Variants in MSR1 observed in about 807,000 individuals in gnomAD.
MSR1 encodes macrophage scavenger receptor 1.
Under a neutral mutation model 47.2 loss-of-function variants are expected in MSR1, and 53 were observed. The observed-to-expected ratio is 1.12, with a 90% CI of 0.90 to 1.41. The LOEUF is 1.41. Ranked by LOEUF, MSR1 falls within the 40% of genes most tolerant of loss-of-function variation. The pLI, the probability that MSR1 is intolerant of heterozygous loss-of-function variation, is 0.00. For missense variants in MSR1, 786 were observed against 546.9 expected (o/e 1.44, Z -4.36); for synonymous variants, 239 against 185.6 (o/e 1.29, Z -2.34).
At chr8:16,158,471 G>A (rs1801071066) in intron 5 of MSR1, among the ~76,000 whole-genome samples, 1 of 151,782 alleles carries the variant, frequency 6.6e-6, no homozygotes, top group South Asian at 2.1e-4. Flanking sequence ...CGATAACATA[G>A]CACTAATAAT....
chr8:16,147,889 C>A (rs922727499), intron 7 of MSR1, among the ~76,000 whole-genome samples: 1 of 152,016 alleles, frequency 6.6e-6, no homozygotes, highest in Non-Finnish European at 1.5e-5. Context: ...TAATGGTTTT[C>A]AAAATGTGGT....
At chr8:16,187,843 G>A (rs1802048022) in intron 1 of MSR1, among the ~76,000 whole-genome samples, 1 of 152,074 alleles carries the variant, frequency 6.6e-6, no homozygotes, top group South Asian at 2.1e-4. Context: ...ATTACCCTCA[G>A]TGAACCCACT....
At chr8:16,138,373 C>T (rs1487702412) in intron 8 of MSR1, among the ~76,000 whole-genome samples, 6 of 152,260 alleles carry the variant, frequency 3.9e-5, no homozygotes, top group East Asian at 1.9e-4. Context: ...CTATGACTAG[C>T]GTTAGAGCTT....
intron 5 of MSR1, 100 bp from the exon 6 acceptor site, chr8:16,155,244 AT>A: frequency 1.2e-6 from 1 of 822,318 alleles, no homozygotes; most frequent in Non-Finnish European, 2.0e-6. Context: ...AAAGTCTTCT[AT>A]TTGTTGTGCA....
chr8:16,166,607 C>T (rs1021175265), intron 4 of MSR1, among the ~76,000 whole-genome samples: 2 of 152,134 alleles, frequency 1.3e-5, no homozygotes, highest in African/African-American at 2.4e-5. Context: ...ACTCCCTCCA[C>T]ATGCTACCAC....
chr8:16,133,753 A>G (rs1170148463), intron 8 of MSR1, among the ~76,000 whole-genome samples: 1 of 152,112 alleles, frequency 6.6e-6, no homozygotes, highest in African/African-American at 2.4e-5. Flanking sequence ...CTTCTCCTAT[A>G]ATTCTTCAAA....
In MSR1 at chr8:16,120,467, C is replaced by G. The variant is rs1163411232; in HGVS notation, c.1173G>C (p.Leu391Phe). The G allele has an allele frequency of 1.2e-6, 2 of 1,613,940 alleles. No individual in the cohort carries two copies. The highest frequency in any genetic ancestry group is 3.3e-5 in the Admixed American group (2 of 60,002). Residue 391 changes from leucine (L) to phenylalanine (F), a missense_variant, in exon 9 of 10, where the codon TTG (leucine) becomes TTC (phenylalanine). By Grantham distance (22) the Leu-to-Phe change is conservative. Transcript: ENST00000262101. ...VRVGQVVCRS[L>F]GYPGVQAVHK... ...GCACGGCTTGAACACCTGGGTATCC[C>G]AAGCTCCTACAGACGACCTGTCCAA...
Position 16,120,569 on chromosome 8 carries a change from G to A in MSR1, c.1071C>T (p.Gly357=). Residue 357 remains glycine (G), a synonymous_variant, in exon 9 of 10, where the codon GGC becomes GGT. Transcript: ENST00000262101. ...GTATCTCCACCCTCCCCTCGTGAGG[G>A]CCGCTCCCACCGACCAGTCGAACTT... ...FTKVRLVGGS[G]PHEGRVEILH... is the part of the protein sequence containing the mutation. 4 of 1,606,866 alleles carry A rather than the reference G, an allele frequency of 2.5e-6. No homozygotes were observed. Among genetic ancestry groups the A allele is most frequent in the African/African-American group, 1.4e-5 (1 of 71,826 alleles).
chr8:16,113,452 C>G (rs1024767447), intron 9 of MSR1, among the ~76,000 whole-genome samples: 1 of 151,938 alleles, frequency 6.6e-6, no homozygotes, highest in Non-Finnish European at 1.5e-5. Flanking sequence ...TTAAAAGTGC[C>G]TGAATGTGTA....
intron 8 of MSR1, chr8:16,139,726 G>A: frequency 2.0e-6 from 1 of 491,888 alleles, no homozygotes; most frequent in Non-Finnish European, 2.4e-6. Flanking sequence ...AATTGCCCAA[G>A]CTCGACTACA....
rs909032748 is a variant in MSR1 at position 16,183,852 on chromosome 8, C to A, written c.-4-5860G>T. Among the ~76,000 whole-genome samples, 197 of 140,766 alleles carry A rather than the reference C, an allele frequency of 1.4e-3. 1 individual carries two copies. Among genetic ancestry groups the A allele is most frequent in the African/African-American group, 4.9e-3 (190 of 38,540 alleles). The allele number at this position is 140,766 out of a possible 152,430, so 92.3% of individuals were successfully genotyped here. ...TATATTTTATATATCATAGAATTGG[C>A]AATATATAATATTAAATATATTTAT... On this transcript the variant is annotated intron_variant, in intron 1 of 9. Coordinates refer to ENST00000262101, the MANE Select transcript of MSR1 (RefSeq NM_138715.3).
chr8:16,171,983 G>C (rs13251251), intron 3 of MSR1, among the ~76,000 whole-genome samples: 1 of 152,100 alleles, frequency 6.6e-6, no homozygotes, highest in Non-Finnish European at 1.5e-5. Context: ...CACTTGAAAA[G>C]TTTCAGGTTT....
intron 7 of MSR1, among the ~76,000 whole-genome samples, chr8:16,144,224 T>C (rs946388026): frequency 6.6e-6 from 1 of 152,076 alleles, no homozygotes; most frequent in Non-Finnish European, 1.5e-5. Context: ...GCAGAAACAT[T>C]GCTAGATCTT....
chr8:16,156,695 G>A (rs978741696), intron 5 of MSR1, among the ~76,000 whole-genome samples: 3 of 151,028 alleles, frequency 2.0e-5, no homozygotes, highest in African/African-American at 4.9e-5. Flanking sequence ...TTTCCTAAGT[G>A]TGTACGTGTA....
At chr8:16,142,853 C>A (rs936635483) in intron 8 of MSR1, among the ~76,000 whole-genome samples, 2 of 152,090 alleles carry the variant, frequency 1.3e-5, no homozygotes, top group Non-Finnish European at 2.9e-5. Flanking sequence ...GAGGAGCCTT[C>A]TGATTCTGAG....
At chr8:16,147,586 A>G (rs1444793996) in intron 7 of MSR1, among the ~76,000 whole-genome samples, 2 of 152,146 alleles carry the variant, frequency 1.3e-5, no homozygotes, top group Non-Finnish European at 2.9e-5. Flanking sequence ...ATATTACTTT[A>G]TCTATCACGG....
At chr8:16,129,612 G>A (rs1383914883) in intron 8 of MSR1, among the ~76,000 whole-genome samples, 2 of 152,040 alleles carry the variant, frequency 1.3e-5, no homozygotes, top group African/African-American at 2.4e-5. Context: ...GCTGAGTGTG[G>A]TGACCTGTGC....
rs138143298 is a variant in MSR1 at position 16,179,518 on chromosome 8, A to G, written c.-4-1526T>C. Among the ~76,000 whole-genome samples the G allele has an allele frequency of 3.9e-5, 6 of 152,328 alleles. No individual in the cohort carries two copies. The East Asian group carries it at 7.7e-4, about 20-fold the overall frequency. ...AATTACTCTATTTGCTGAAAAAACA[A>G]TAATTTCCCTTAGGACAAATAGTTT... On this transcript the variant is annotated intron_variant, in intron 1 of 9. Coordinates refer to ENST00000262101, the MANE Select transcript of MSR1 (RefSeq NM_138715.3).
At chr8:16,170,537 T>A (rs983118448) in intron 3 of MSR1, among the ~76,000 whole-genome samples, 1 of 152,186 alleles carries the variant, frequency 6.6e-6, no homozygotes. Flanking sequence ...ATTTTCCGCA[T>A]TTGACAATTA....
Sources: allele counts gnomAD v4.1 joint callset (sites outside exome capture counted in the v4.1 genomes callset), GRCh38; gene constraint gnomAD v4.1.1; transcripts MANE v1.5; gene names NCBI Gene and HGNC (gene_info 2026-07-23, HGNC 2026-07-21).